ST3GAL1: variants seen among roughly 807,000 people sequenced by gnomAD.
ST3GAL1 encodes the protein CMP-N-acetylneuraminate-beta-galactosamide-alpha-2,3-sialyltransferase 1.
In ST3GAL1, 16 loss-of-function variants were observed where a neutral mutation model predicts 34.1. The ratio of observed to expected loss-of-function variants is 0.47; its 90% confidence interval spans 0.32 to 0.71. ST3GAL1 has a LOEUF of 0.71. ST3GAL1 is among the 30% of genes least tolerant of loss of function. ST3GAL1 has a pLI of 0.04. For missense variants in ST3GAL1, 353 were observed against 447.4 expected (o/e 0.79, Z 1.90); for synonymous variants, 191 against 184.7 (o/e 1.03, Z -0.28).
chr8:133,504,956 G>C (rs1339943904), intron 2 of ST3GAL1, among the ~76,000 whole-genome samples: 1 of 152,152 alleles, frequency 6.6e-6, no homozygotes, highest in Non-Finnish European at 1.5e-5. Context: ...CGAAGTTCAG[G>C]AAGTTGGGTG....
intron 2 of ST3GAL1, among the ~76,000 whole-genome samples, chr8:133,545,218 C>T (rs1248174172): frequency 1.3e-5 from 2 of 152,244 alleles, no homozygotes; most frequent in Non-Finnish European, 2.9e-5. Flanking sequence ...TGTTAAGGAC[C>T]AGGGAACAAA....
rs766704745 is a variant in ST3GAL1, at chr8:133,459,758, A to G, written c.*6T>C. On this transcript the variant is annotated 3_prime_UTR_variant, in exon 10 of 10. Coordinates refer to ENST00000522652, the MANE Select transcript of ST3GAL1 (RefSeq NM_173344.3). This position sits in a 1 kb window ranked among gnomAD's most constrained non-coding sequence, Gnocchi z 4.7. ...ACAGTGCGTCCATCCTCAGCCCTTC[A>G]CTGCGTCATCTCCCCTTGAAGATCC... is the stretch of plus-strand genomic sequence containing the variant. 20 of 1,607,562 alleles carry G rather than the reference A, an allele frequency of 1.2e-5. No homozygotes were observed. In the East Asian group the frequency reaches 4.0e-4, roughly 32 times the overall value.
chr8:133,462,230 T>A (rs1815540419), intron 8 of ST3GAL1, among the ~76,000 whole-genome samples: 1 of 152,102 alleles, frequency 6.6e-6, no homozygotes, highest in Non-Finnish European at 1.5e-5. Context: ...AGGAGGGCCC[T>A]ACAGGACCGT....
chr8:133,496,267 C>A (rs3739257), intron 3 of ST3GAL1, among the ~76,000 whole-genome samples: 1 of 152,056 alleles, frequency 6.6e-6, no homozygotes, highest in Non-Finnish European at 1.5e-5. Flanking sequence ...CTGAGCCCTG[C>A]GGAAAGAGAG....
intron 1 of ST3GAL1, among the ~76,000 whole-genome samples, chr8:133,549,262 C>A (rs1232036153): frequency 1.3e-5 from 2 of 152,016 alleles, no homozygotes; most frequent in African/African-American, 2.4e-5. Context: ...ATTAGCCAGG[C>A]GTGGTGGCAC....
At chr8:133,481,283 C>A (rs1042919749) in intron 3 of ST3GAL1, among the ~76,000 whole-genome samples, 1 of 152,188 alleles carries the variant, frequency 6.6e-6, no homozygotes, top group African/African-American at 2.4e-5. Flanking sequence ...CTGTGTTTCA[C>A]TTTTCATGAA....
intron 1 of ST3GAL1, among the ~76,000 whole-genome samples, chr8:133,558,563 A>G (rs751002714): frequency 6.6e-6 from 1 of 152,152 alleles, no homozygotes; most frequent in African/African-American, 2.4e-5. Context: ...TAAGTGTGCA[A>G]CCTCTGTAAC....
chr8:133,530,081 C>A (rs187190190), intron 2 of ST3GAL1, among the ~76,000 whole-genome samples: 17 of 152,312 alleles, frequency 1.1e-4, no homozygotes, highest in Non-Finnish European at 2.4e-4. Context: ...GGGCTCTGAA[C>A]CCTGCCCCGC....
intron 2 of ST3GAL1, among the ~76,000 whole-genome samples, chr8:133,537,863 T>G (rs1382908816): frequency 1.3e-5 from 2 of 152,216 alleles, no homozygotes; most frequent in Non-Finnish European, 2.9e-5. Context: ...TGTTGCCGGC[T>G]GCCATGGTTT....
intron 1 of ST3GAL1, among the ~76,000 whole-genome samples, chr8:133,547,578 G>C (rs927989285): frequency 6.6e-6 from 1 of 152,188 alleles, no homozygotes. Context: ...GAGGATAATA[G>C]ACAATGTGTG....
Position 133,540,834 on chromosome 8 carries a change from T to G in ST3GAL1, c.-429+4940A>C, listed in dbSNP as rs1278030266. 1.9e-4 allele frequency among the ~76,000 whole-genome samples: 14 copies of G among 75,628 alleles called. 2 individuals are homozygous for G. In the East Asian group the frequency reaches 2.0e-3, roughly 11 times the overall value. The allele number at this position is 75,628 out of a possible 152,430, so 49.6% of individuals were successfully genotyped here. ...AGACATATATATATAGACATATATA[T>G]AGAGAGACATATATATAGAGACATA... On this transcript the variant is annotated intron_variant, in intron 2 of 9. Coordinates refer to ENST00000522652, the MANE Select transcript of ST3GAL1 (RefSeq NM_173344.3).
chr8:133,565,886 CT>C lies in ST3GAL1; in HGVS notation c.-582+5806del, dbSNP rs539421190. On this transcript the variant is annotated intron_variant, in intron 1 of 9. Coordinates refer to ENST00000522652, the MANE Select transcript of ST3GAL1 (RefSeq NM_173344.3). ...TCTGTGTCCTTGGCCAGTGGTTTCC[CT>C]GCAGGGATTCCCCTGACTCTGTAGA... Among the ~76,000 whole-genome samples the C allele has an allele frequency of 2.2e-3, 332 of 152,330 alleles. 3 individuals carry two copies. The highest frequency in any genetic ancestry group is 0.014 in the Middle Eastern group (4 of 294).
intron 2 of ST3GAL1, among the ~76,000 whole-genome samples, chr8:133,540,934 C>CATATATAGACATATATAGACAT (rs1818480301): frequency 7.8e-5 from 4 of 51,392 alleles, no homozygotes; most frequent in Non-Finnish European, 1.3e-4. Context: ...TATATATAGA[C>CATATATAGACATATATAGACAT]ATATATAGAC....
intron 1 of ST3GAL1, among the ~76,000 whole-genome samples, chr8:133,552,881 A>C (rs1383150020): frequency 6.6e-6 from 1 of 152,230 alleles, no homozygotes; most frequent in Non-Finnish European, 1.5e-5. Context: ...TCTCATGTGC[A>C]TGATTTCATT....
rs559145334 is a variant in ST3GAL1 at position 133,470,933 on chromosome 8, C to T, written c.306+4786G>A. Among the ~76,000 whole-genome samples, 20 of 152,288 alleles carry T rather than the reference C, an allele frequency of 1.3e-4. No homozygotes were observed. The East Asian group carries it at 2.7e-3, about 21-fold the overall frequency. ...GCAGAGTTTGTCCTGTCTTGAGGCA[C>T]GATGGCTGGAAGTCCTCCCTATCCA... On this transcript the variant is annotated intron_variant, in intron 5 of 9. Transcript: ENST00000522652.
At chr8:133,565,320 G>C (rs1014060825) in intron 1 of ST3GAL1, among the ~76,000 whole-genome samples, 3 of 152,166 alleles carry the variant, frequency 2.0e-5, no homozygotes, top group Non-Finnish European at 4.4e-5. Flanking sequence ...CAGAGGGCAG[G>C]ACAGAGGAGA....
In ST3GAL1 at chr8:133,464,894, C is replaced by A; in HGVS notation, c.567G>T (p.Leu189=). The change falls in exon 7 of 10, where the codon CTG becomes CTT. Residue 189 remains leucine, a synonymous_variant. Transcript: ENST00000522652. The part of the protein sequence containing the change: ...ADVGTKTTHH[L]VYPESFRELG... ...GCTCCCGGAAGCTCTCAGGGTACAC[C>A]AGATGGTGGGTGGTCTTGGTCCCAA... 1.9e-6 allele frequency: 3 copies of A among 1,614,042 alleles called. No homozygotes were observed. The highest frequency in any genetic ancestry group is 2.5e-6 in the Non-Finnish European group (3 of 1,179,988).
Position 133,528,172 on chromosome 8 carries a change from TC to T in ST3GAL1, c.-429+17601del, listed in dbSNP as rs1489273109. Among the ~76,000 whole-genome samples the T allele has an allele frequency of 6.6e-5, 10 of 151,900 alleles. No individual in the cohort carries two copies. In the East Asian group the frequency reaches 1.6e-3, roughly 24 times the overall value. Reference sequence around the variant, plus strand: ...CCTGGTGACAGAGCGAGACTCTGTCTCAAATAAAAGAAAAAAAAAATTACCC... The same window carrying T: ...CCTGGTGACAGAGCGAGACTCTGTCTAAATAAAAGAAAAAAAAAATTACCC... On this transcript the variant is annotated intron_variant, in intron 2 of 9. Coordinates refer to ENST00000522652, the MANE Select transcript of ST3GAL1 (RefSeq NM_173344.3).
At chr8:133,540,934 CATATATAGACAT>C (rs71299076) in intron 2 of ST3GAL1, among the ~76,000 whole-genome samples, 1 of 51,384 alleles carries the variant, frequency 1.9e-5, no homozygotes, top group African/African-American at 1.2e-4. Flanking sequence ...TATATATAGA[CATATATAGACAT>C]ATATATAGAC....
Sources: gnomAD v4.1 joint callset for allele counts (sites outside exome capture counted in the v4.1 genomes callset) on GRCh38, gnomAD v4.1.1 for gene constraint, Gnocchi (gnomAD v3.1) non-coding constraint, MANE v1.5 for transcripts, NCBI Gene and HGNC (gene_info 2026-07-23, HGNC 2026-07-21) for gene names.